The following FCHSD2 variants were observed in gnomAD, a reference collection of about 807,000 sequenced individuals.
FCHSD2 encodes the protein F-BAR and double SH3 domains protein 2.
FCHSD2 carries 38 observed loss-of-function variants against 108.1 expected under a neutral mutation model. That is an observed-to-expected ratio of 0.35 (90% confidence interval 0.27 to 0.46). The LOEUF (loss-of-function observed/expected upper bound fraction) is 0.46. Among genes scored for constraint, FCHSD2 ranks in the 20% least tolerant of loss-of-function variants. The pLI, the probability that FCHSD2 is intolerant of heterozygous loss-of-function variation, is 1.00. For synonymous variants in FCHSD2, 279 were observed against 314.7 expected (o/e 0.89, Z 1.20); for missense variants, 751 against 897.8 (o/e 0.84, Z 2.09).
chr11:73,048,248 C>T (rs907010936), intron 3 of FCHSD2, among the ~76,000 whole-genome samples: 1 of 152,154 alleles, frequency 6.6e-6, no homozygotes, highest in African/African-American at 2.4e-5. Context: ...CTTTCTTCAG[C>T]GGCATCCCTC....
intron 10 of FCHSD2, 27 bp downstream of exon 10, chr11:72,902,516 T>C: frequency 6.8e-7 from 1 of 1,469,436 alleles, no homozygotes; most frequent in Non-Finnish European, 9.3e-7. Context: ...GAACAACACA[T>C]GAAATGAAAA....
chr11:72,949,389 A>T (rs183100428), intron 8 of FCHSD2, among the ~76,000 whole-genome samples: 230 of 152,188 alleles, frequency 1.5e-3, no homozygotes, highest in African/African-American at 5.1e-3. Context: ...GGCAGAGGTT[A>T]CAGTGAGCCG....
At chr11:72,960,046 A>G (rs116084245) in intron 8 of FCHSD2, among the ~76,000 whole-genome samples, 56 of 152,328 alleles carry the variant, frequency 3.7e-4, no homozygotes, top group African/African-American at 1.3e-3. Context: ...GTAAAGGAAT[A>G]TGTAAGGCTG....
chr11:73,088,740 C>T (rs1211899541), intron 2 of FCHSD2, among the ~76,000 whole-genome samples: 5 of 152,148 alleles, frequency 3.3e-5, no homozygotes, highest in African/African-American at 9.6e-5. Flanking sequence ...ACTACAAATA[C>T]CCAAGCAAAA....
intron 4 of FCHSD2, among the ~76,000 whole-genome samples, chr11:73,004,073 C>A (rs753283309): frequency 2.8e-4 from 34 of 121,002 alleles, no homozygotes; most frequent in Non-Finnish European, 4.9e-4. Flanking sequence ...AGTGCCACTG[C>A]ACTCCGGCCT....
chr11:73,047,282 CA>C (rs1858791633), intron 3 of FCHSD2, among the ~76,000 whole-genome samples: 1 of 151,040 alleles, frequency 6.6e-6, no homozygotes, highest in South Asian at 2.1e-4. Context: ...AACAGGATGT[CA>C]AAATATCTGG....
chr11:72,873,530 CTG>C (rs748704300), intron 12 of FCHSD2, among the ~76,000 whole-genome samples: 2 of 152,094 alleles, frequency 1.3e-5, no homozygotes, highest in Non-Finnish European at 2.9e-5. Context: ...ATTCTGTGGG[CTG>C]TCTTTCATTT....
chr11:73,001,263 T>C (rs979525705), intron 4 of FCHSD2, 129 bp from the exon 5 acceptor site: 1 of 751,182 alleles, frequency 1.3e-6, no homozygotes, highest in Non-Finnish European at 2.2e-6. Context: ...TAATGGCTTA[T>C]AGGCAATATG....
At chr11:72,856,463 T>A (rs1185123162) in intron 13 of FCHSD2, among the ~76,000 whole-genome samples, 1 of 152,198 alleles carries the variant, frequency 6.6e-6, no homozygotes, top group East Asian at 1.9e-4. Context: ...TATCAAAATG[T>A]CCTTCTGTAT....
At chr11:73,117,123 A>G (rs1438723304) in intron 2 of FCHSD2, among the ~76,000 whole-genome samples, 4 of 152,218 alleles carry the variant, frequency 2.6e-5, no homozygotes, top group East Asian at 1.9e-4. Context: ...CAATAACAGA[A>G]GCTGGTATTT....
At chr11:72,854,865 C>T (rs540571959) in intron 13 of FCHSD2, among the ~76,000 whole-genome samples, 45 of 152,160 alleles carry the variant, frequency 3.0e-4, no homozygotes, top group Non-Finnish European at 5.0e-4. Context: ...GGGCCAGGCA[C>T]GGTGGCTCAT....
At chr11:72,864,635 C>T (rs896450294) in intron 13 of FCHSD2, among the ~76,000 whole-genome samples, 1 of 152,144 alleles carries the variant, frequency 6.6e-6, no homozygotes, top group African/African-American at 2.4e-5. Context: ...TAAGGAAATA[C>T]ACCAAATTGC....
intron 8 of FCHSD2, among the ~76,000 whole-genome samples, chr11:72,951,064 G>T (rs1856612203): frequency 6.6e-6 from 1 of 152,238 alleles, no homozygotes; most frequent in African/African-American, 2.4e-5. Flanking sequence ...GGCCATGAGA[G>T]AAAGTGATGG....
chr11:73,034,014 G>A (rs1465719602), intron 3 of FCHSD2, among the ~76,000 whole-genome samples: 2 of 152,024 alleles, frequency 1.3e-5, no homozygotes, highest in Non-Finnish European at 2.9e-5. Context: ...TTTTAATACC[G>A]ATAGCAAATA....
intron 12 of FCHSD2, among the ~76,000 whole-genome samples, chr11:72,882,420 GAGA>G (rs1224027903): frequency 1.4e-5 from 2 of 147,628 alleles, no homozygotes; most frequent in African/African-American, 2.4e-5. Flanking sequence ...TATGGGGAAG[GAGA>G]AGAAGAGAGA....
chr11:73,094,158 C>T (rs914956978), intron 2 of FCHSD2, among the ~76,000 whole-genome samples: 1 of 152,052 alleles, frequency 6.6e-6, no homozygotes, highest in African/African-American at 2.4e-5. Context: ...TTACAATGAG[C>T]CAAGACCACG....
At chr11:73,141,039 T>C (rs759871939) in intron 1 of FCHSD2, among the ~76,000 whole-genome samples, 23 of 152,222 alleles carry the variant, frequency 1.5e-4, no homozygotes, top group Non-Finnish European at 7.3e-5. Context: ...AACGGCCTCA[T>C]CCACCCAGTG....
chr11:73,057,300 A>AG (rs777012261), intron 3 of FCHSD2, among the ~76,000 whole-genome samples: 32 of 152,276 alleles, frequency 2.1e-4, no homozygotes, highest in Non-Finnish European at 3.2e-4. Flanking sequence ...ATGGGCACTG[A>AG]GGCCACTAGG....
chr11:72,986,903 A>C (rs1205466060), intron 6 of FCHSD2, among the ~76,000 whole-genome samples: 1 of 152,128 alleles, frequency 6.6e-6, no homozygotes, highest in Non-Finnish European at 1.5e-5. Flanking sequence ...CTTCAAAATT[A>C]ATGTTCCTTG....
Sources: allele counts gnomAD v4.1 joint callset (sites outside exome capture counted in the v4.1 genomes callset), GRCh38; gene constraint gnomAD v4.1.1; transcripts MANE v1.5; gene names NCBI Gene and HGNC (gene_info 2026-07-23, HGNC 2026-07-21).